GAB1: variants seen among roughly 807,000 people sequenced by gnomAD.
GAB1 encodes the protein GRB2 associated binding protein 1, also known as GRB2-associated-binding protein 1.
In GAB1, 19 loss-of-function variants were observed where a neutral mutation model predicts 66.5. That is an observed-to-expected ratio of 0.29 (90% confidence interval 0.20 to 0.42). The LOEUF (loss-of-function observed/expected upper bound fraction) is 0.42. Ranked by LOEUF, GAB1 falls within the 10% of genes least tolerant of loss-of-function variation. GAB1 has a pLI of 1.00. For synonymous variants in GAB1, 294 were observed against 301.4 expected (o/e 0.98, Z 0.25); for missense variants, 732 against 858.5 (o/e 0.85, Z 1.84).
chr4:143,416,092 C>T (rs984899126), intron 2 of GAB1, among the ~76,000 whole-genome samples: 2 of 152,184 alleles, frequency 1.3e-5, no homozygotes, highest in African/African-American at 4.8e-5. Flanking sequence ...TGATATTTTA[C>T]TATTTTTCAC....
Position 143,347,581 on chromosome 4 carries a change from A to G in GAB1, c.72+10321A>G, listed in dbSNP as rs990761437. Among the ~76,000 whole-genome samples the G allele has an allele frequency of 9.8e-5, 15 of 152,334 alleles. No individual in the cohort carries two copies. In the Middle Eastern group the frequency reaches 0.014, roughly 138 times the overall value. On this transcript the variant is annotated intron_variant, in intron 1 of 9. Transcript: ENST00000262994. Reference sequence around the variant, plus strand: ...ATCCTTTCCGTCAGAGTGAATGCCCACATGAACAGGGCACTGTGAAGAATG... The same window carrying G: ...ATCCTTTCCGTCAGAGTGAATGCCCGCATGAACAGGGCACTGTGAAGAATG...
chr4:143,384,472 G>T (rs990556554), intron 1 of GAB1, among the ~76,000 whole-genome samples: 3 of 152,174 alleles, frequency 2.0e-5, no homozygotes, highest in African/African-American at 7.2e-5. Flanking sequence ...TAATTTCAGG[G>T]TGAACTTGAC....
At chr4:143,348,697 G>A (rs756685539) in intron 1 of GAB1, among the ~76,000 whole-genome samples, 12 of 152,212 alleles carry the variant, frequency 7.9e-5, no homozygotes, top group African/African-American at 1.7e-4. Flanking sequence ...CTGTTCTGCC[G>A]CGCTCTTTTG....
rs1002794366 is a variant in GAB1, at chr4:143,415,731, T to C, written c.327T>C (p.Arg109=). The C allele has an allele frequency of 6.2e-7, 1 of 1,612,976 alleles. No individual in the cohort carries two copies. Among genetic ancestry groups the C allele is most frequent in the African/African-American group, 1.3e-5 (1 of 74,920 alleles). Residue 109 remains arginine, a synonymous_variant, in exon 2 of 10, where the codon CGT becomes CGC. Coordinates refer to ENST00000262994, the MANE Select transcript of GAB1 (RefSeq NM_002039.4). ...AGGAGGAGATGAATAAGTGGGTTCG[T>C]TGTATTTGTGACATCTGTGGGTTTA... ...DSEEEMNKWV[R]CICDICGFNP... is the part of the protein sequence containing the mutation.
At chr4:143,393,427 A>G (rs555045819) in intron 1 of GAB1, among the ~76,000 whole-genome samples, 1 of 152,164 alleles carries the variant, frequency 6.6e-6, no homozygotes, top group South Asian at 2.1e-4. Flanking sequence ...TGGCTTTACT[A>G]TTTCCAGTAT....
chr4:143,378,162 G>T (rs761138126), intron 1 of GAB1, among the ~76,000 whole-genome samples: 5 of 152,178 alleles, frequency 3.3e-5, no homozygotes, highest in Non-Finnish European at 5.9e-5. Flanking sequence ...TTGTAAAAAT[G>T]CATAAGGATA....
chr4:143,457,614 TTACAGAATCCATTTTCC>T, intron 6 of GAB1: 1 of 560,346 alleles, frequency 1.8e-6, no homozygotes, highest in Admixed American at 4.3e-5. Flanking sequence ...TTTTTTTTTT[TTACAGAATCCATTTTCC>T]AATTAATAAA....
At chr4:143,377,593 T>C (rs1041998016) in intron 1 of GAB1, among the ~76,000 whole-genome samples, 2 of 152,210 alleles carry the variant, frequency 1.3e-5, no homozygotes, top group African/African-American at 4.8e-5. Context: ...TATGATATTA[T>C]GCTAATTTAT....
chr4:143,337,322 T>C (rs1452610077), intron 1 of GAB1, 62 bp downstream of exon 1: 1 of 1,442,246 alleles, frequency 6.9e-7, no homozygotes, highest in Non-Finnish European at 9.5e-7. Context: ...CCCAGTCGGC[T>C]CGCCGGCGGC....
chr4:143,455,311 A>G (rs1461291293), intron 6 of GAB1, among the ~76,000 whole-genome samples: 2 of 152,242 alleles, frequency 1.3e-5, no homozygotes, highest in African/African-American at 4.8e-5. Context: ...TTTCAGCTTC[A>G]GAAGGATAAT....
At chr4:143,389,470 C>G (rs765952113) in intron 1 of GAB1, among the ~76,000 whole-genome samples, 1 of 152,118 alleles carries the variant, frequency 6.6e-6, no homozygotes, top group African/African-American at 2.4e-5. Flanking sequence ...CAACAGCAGG[C>G]GCTTGTAGCA....
intron 1 of GAB1, among the ~76,000 whole-genome samples, chr4:143,351,631 C>T (rs953066540): frequency 9.2e-5 from 14 of 152,276 alleles, no homozygotes; most frequent in Admixed American, 8.5e-4. Flanking sequence ...AGGGACCACG[C>T]CTTCCTCTAC....
At chr4:143,421,684 T>G (rs141536834) in intron 2 of GAB1, among the ~76,000 whole-genome samples, 2 of 125,114 alleles carry the variant, frequency 1.6e-5, no homozygotes, top group East Asian at 4.0e-4. Flanking sequence ...TCTTTTTTTC[T>G]TTTCTTTTCT....
chr4:143,337,306 C>A (rs750183246), intron 1 of GAB1, 46 bp downstream of exon 1: 2 of 1,499,416 alleles, frequency 1.3e-6, no homozygotes, highest in South Asian at 1.2e-5. Flanking sequence ...GGCGTCCACA[C>A]CCCTCCCCAG....
intron 2 of GAB1, chr4:143,425,941 C>G (rs868815489): frequency 1.0e-6 from 1 of 983,748 alleles, no homozygotes; most frequent in African/African-American, 1.6e-5. Flanking sequence ...GCTGTTCTTG[C>G]ACGGGTTCTT....
intron 6 of GAB1, among the ~76,000 whole-genome samples, chr4:143,443,013 A>AT (rs1734320483): frequency 7.1e-6 from 1 of 141,782 alleles, no homozygotes; most frequent in African/African-American, 2.8e-5. Flanking sequence ...GTACTATTTT[A>AT]CTTTTTTTTT....
chr4:143,354,027 G>A (rs182539416), intron 1 of GAB1, among the ~76,000 whole-genome samples: 25 of 152,282 alleles, frequency 1.6e-4, no homozygotes, highest in African/African-American at 5.8e-4. Context: ...AGTTTAGTTA[G>A]TAGATCACTT....
chr4:143,454,790 T>G (rs1735095456), intron 6 of GAB1, among the ~76,000 whole-genome samples: 1 of 152,230 alleles, frequency 6.6e-6, no homozygotes, highest in Admixed American at 6.5e-5. Context: ...CACACCTTTC[T>G]CACATAATGG....
chr4:143,367,161 G>T (rs1184022357), intron 1 of GAB1, among the ~76,000 whole-genome samples: 1 of 152,102 alleles, frequency 6.6e-6, no homozygotes, highest in Non-Finnish European at 1.5e-5. Flanking sequence ...AGGGTAAATT[G>T]GTAGTTATTA....
Sources: allele counts gnomAD v4.1 joint callset (sites outside exome capture counted in the v4.1 genomes callset), GRCh38; gene constraint gnomAD v4.1.1; transcripts MANE v1.5; gene names NCBI Gene and HGNC (gene_info 2026-07-23, HGNC 2026-07-21).